The following TMTC2 variants were observed in gnomAD, a reference collection of about 807,000 sequenced individuals.
TMTC2 encodes the protein transmembrane O-mannosyltransferase targeting cadherins 2.
In TMTC2, 43 loss-of-function variants were observed where a neutral mutation model predicts 82.4. The ratio of observed to expected loss-of-function variants is 0.52; its 90% confidence interval spans 0.41 to 0.67. The LOEUF (loss-of-function observed/expected upper bound fraction) is 0.67. TMTC2 is among the 30% of genes least tolerant of loss of function. TMTC2 has a pLI of 0.00. For synonymous variants in TMTC2, 408 were observed against 381.9 expected, an observed-to-expected ratio of 1.07 and a Z score of -0.80; for missense variants, 919 against 1,012.4, an observed-to-expected ratio of 0.91 and a Z score of 1.25.
intron 11 of TMTC2, among the ~76,000 whole-genome samples, chr12:83,127,564 A>G (rs887220344): frequency 5.3e-5 from 8 of 152,140 alleles, no homozygotes; most frequent in Admixed American, 2.6e-4. Flanking sequence ...TCGGAGTTCT[A>G]CATTACTCCT....
At chr12:82,932,796 T>G (rs1876113118) in intron 4 of TMTC2, among the ~76,000 whole-genome samples, 1 of 152,234 alleles carries the variant, frequency 6.6e-6, no homozygotes, top group Admixed American at 6.5e-5. Context: ...TCTTATCCAA[T>G]AGTCCCTGGT....
intron 1 of TMTC2, among the ~76,000 whole-genome samples, chr12:82,816,637 C>T (rs1169653546): frequency 6.6e-6 from 1 of 152,008 alleles, no homozygotes; most frequent in East Asian, 1.9e-4. Flanking sequence ...TTGGGACCCA[C>T]CAAAAACCTG....
chr12:82,732,441 C>G (rs995202097), intron 1 of TMTC2, among the ~76,000 whole-genome samples: 6 of 152,054 alleles, frequency 3.9e-5, no homozygotes, highest in African/African-American at 1.4e-4. Context: ...CTCCCAGGTT[C>G]ACGCCATTCT....
At chr12:82,917,476 C>T (rs1455557066) in intron 3 of TMTC2, among the ~76,000 whole-genome samples, 1 of 152,050 alleles carries the variant, frequency 6.6e-6, no homozygotes, top group African/African-American at 2.4e-5. Flanking sequence ...TTCTGTAAGG[C>T]ATGGTTTCTT....
In TMTC2 at chr12:82,802,126, C is replaced by T. The variant is rs936146237; in HGVS notation, c.84-54884C>T. On this transcript the variant is annotated intron_variant, in intron 1 of 11. Transcript: ENST00000321196. ...GGGGGAGGCTCTGGCAGGGGGAAGG[C>T]TCACGCATGGTAGGCTGCAGGTCCC... 3.9e-5 allele frequency among the ~76,000 whole-genome samples: 6 copies of T among 152,238 alleles called. No homozygotes were observed. In the East Asian group the frequency reaches 1.2e-3, roughly 29 times the overall value.
intron 11 of TMTC2, among the ~76,000 whole-genome samples, chr12:83,095,959 T>A (rs78867012): frequency 1.3e-5 from 2 of 152,180 alleles, no homozygotes; most frequent in African/African-American, 2.4e-5. Flanking sequence ...CTTACTATTA[T>A]AAAAATTTCA....
rs183188980 is a variant in TMTC2 at position 83,095,302 on chromosome 12, G to T, written c.2331+33471G>T. On this transcript the variant is annotated intron_variant, in intron 11 of 11. Transcript: ENST00000321196. ...GTCGCCCAGGCTGGAGTGCAGTGGC[G>T]TGATCTCGGCTCACTGCAAGCTCTG... Among the ~76,000 whole-genome samples the T allele has an allele frequency of 3.6e-3, 540 of 150,954 alleles. 6 individuals are homozygous for T. The highest frequency in any genetic ancestry group is 0.012 in the African/African-American group (479 of 41,096).
chr12:83,071,277 C>T (rs1354238478), intron 11 of TMTC2, among the ~76,000 whole-genome samples: 1 of 151,634 alleles, frequency 6.6e-6, no homozygotes, highest in Non-Finnish European at 1.5e-5. Flanking sequence ...GCCTCAGCCT[C>T]CTGAGTAGCT....
chr12:83,052,858 C>T (rs1375233949), intron 10 of TMTC2, among the ~76,000 whole-genome samples: 4 of 152,260 alleles, frequency 2.6e-5, no homozygotes, highest in East Asian at 1.9e-4. Flanking sequence ...ACCTCCTCTC[C>T]GGCTTTCTCT....
chr12:83,061,912 GGTTTTTT>G (rs1160485366), intron 11 of TMTC2, 81 bp downstream of exon 11: 4 of 1,110,560 alleles, frequency 3.6e-6, no homozygotes, highest in Non-Finnish European at 5.0e-6. Flanking sequence ...TCATGATACT[GGTTTTTT>G]GTTTTTTGTT....
intron 3 of TMTC2, among the ~76,000 whole-genome samples, chr12:82,926,192 G>C (rs1392406185): frequency 2.0e-5 from 3 of 152,106 alleles, no homozygotes; most frequent in Non-Finnish European, 4.4e-5. Flanking sequence ...TGTTGGCCAG[G>C]ATGATCTCGA....
chr12:83,039,074 G>A (rs1320433844), intron 9 of TMTC2, among the ~76,000 whole-genome samples: 1 of 151,924 alleles, frequency 6.6e-6, no homozygotes, highest in African/African-American at 2.4e-5. Flanking sequence ...CGGTATTATA[G>A]GCACCCGCCA....
At chr12:82,948,182 A>G (rs1482792922) in intron 4 of TMTC2, among the ~76,000 whole-genome samples, 1 of 152,168 alleles carries the variant, frequency 6.6e-6, no homozygotes, top group Admixed American at 6.5e-5. Flanking sequence ...CCTGGGCAAT[A>G]TAGTGAGACC....
intron 1 of TMTC2, among the ~76,000 whole-genome samples, chr12:82,720,621 C>T (rs1218287461): frequency 3.9e-5 from 6 of 152,274 alleles, no homozygotes; most frequent in Non-Finnish European, 7.3e-5. Context: ...ACTGCAGATA[C>T]GATCATTATC....
intron 1 of TMTC2, among the ~76,000 whole-genome samples, chr12:82,825,043 C>T (rs564416511): frequency 4.5e-4 from 68 of 151,052 alleles, no homozygotes; most frequent in African/African-American, 1.6e-3. Context: ...GATCCGAGAT[C>T]GTGCCACGGC....
rs74106151 is a variant in TMTC2, at chr12:82,870,619, G to C, written c.654+13039G>C. Among the ~76,000 whole-genome samples, 461 of 152,312 alleles carry C rather than the reference G, an allele frequency of 3.0e-3. 3 individuals are homozygous for C. The highest frequency in any genetic ancestry group is 0.01 in the African/African-American group (435 of 41,574). The stretch of plus-strand genomic sequence containing the variant: ...AGCACTGGGCACATCATCTGTGTGT[G>C]TAGCATTCATCCTGTTACTTGTAAC... On this transcript the variant is annotated intron_variant, in intron 2 of 11. Coordinates refer to ENST00000321196, the MANE Select transcript of TMTC2 (RefSeq NM_152588.3).
chr12:82,748,682 C>A (rs1184436080), intron 1 of TMTC2, among the ~76,000 whole-genome samples: 1 of 152,060 alleles, frequency 6.6e-6, no homozygotes, highest in Non-Finnish European at 1.5e-5. Flanking sequence ...TCAAGACCAG[C>A]CTGATCAACA....
intron 1 of TMTC2, among the ~76,000 whole-genome samples, chr12:82,845,847 A>G (rs1040325464): frequency 6.6e-6 from 1 of 151,978 alleles, no homozygotes; most frequent in Non-Finnish European, 1.5e-5. Context: ...TATAACATTT[A>G]AAAACATCTC....
intron 8 of TMTC2, among the ~76,000 whole-genome samples, chr12:83,008,898 T>G (rs1880326156): frequency 2.0e-5 from 3 of 152,190 alleles, no homozygotes; most frequent in South Asian, 4.1e-4. Flanking sequence ...ACTCTTTCTC[T>G]GAGAGATGCT....
Sources: gnomAD v4.1 joint callset for allele counts (sites outside exome capture counted in the v4.1 genomes callset) on GRCh38, gnomAD v4.1.1 for gene constraint, MANE v1.5 for transcripts, NCBI Gene and HGNC (gene_info 2026-07-23, HGNC 2026-07-21) for gene names.